DAB2: variants seen among roughly 807,000 people sequenced by gnomAD.
The protein encoded by DAB2 is disabled homolog 2.
In DAB2, 28 loss-of-function variants were observed where a neutral mutation model predicts 71.6. That is an observed-to-expected ratio of 0.39 (90% CI 0.29 to 0.54). The LOEUF (loss-of-function observed/expected upper bound fraction) is 0.54. DAB2 is among the 20% of genes least tolerant of loss of function. The pLI, the probability that DAB2 is intolerant of heterozygous loss-of-function variation, is 0.68. For missense variants in DAB2, 867 were observed against 928.8 expected, an observed-to-expected ratio of 0.93 and a Z score of 0.86; for synonymous variants, 345 against 339.7, an observed-to-expected ratio of 1.02 and a Z score of -0.17.
chr5:39,376,321 TC>T (rs1754828917), intron 12 of DAB2, among the ~76,000 whole-genome samples: 1 of 152,144 alleles, frequency 6.6e-6, no homozygotes, highest in African/African-American at 2.4e-5. Flanking sequence ...AGATTCAGAA[TC>T]CCCTCATTTT....
intron 10 of DAB2, 43 bp downstream of exon 10, chr5:39,382,575 G>T (rs768599924): frequency 1.3e-6 from 2 of 1,566,078 alleles, no homozygotes; most frequent in South Asian, 2.3e-5. Flanking sequence ...CTTTGGTACC[G>T]AACATGCACT....
chr5:39,408,761 C>A (rs1191662187), intron 1 of DAB2: 2 of 152,294 alleles, frequency 1.3e-5, no homozygotes, highest in East Asian at 3.9e-4. Context: ...GAACCAGCAG[C>A]CTGACAACCA....
At chr5:39,389,989 T>C (rs1755188058) in intron 5 of DAB2, 57 bp from the exon 6 acceptor site, 2 of 1,207,134 alleles carry the variant, frequency 1.7e-6, no homozygotes, top group Admixed American at 5.3e-5. Context: ...TTATTTCCTT[T>C]GTCTGCTATC....
chr5:39,376,166 C>T (rs1754823039), intron 12 of DAB2, 60 bp from the exon 13 acceptor site: 2 of 1,287,636 alleles, frequency 1.6e-6, no homozygotes, highest in Admixed American at 2.0e-5. Flanking sequence ...TAGGCCAGTC[C>T]CCGAGTCAGC....
At chr5:39,374,486 GA>G (rs1473522369) in intron 14 of DAB2, among the ~76,000 whole-genome samples, 1 of 152,148 alleles carries the variant, frequency 6.6e-6, no homozygotes, top group Non-Finnish European at 1.5e-5. Context: ...CTATGAAGGA[GA>G]TCTTTAATAG....
At chr5:39,405,888 A>C (rs1332151622) in intron 1 of DAB2, among the ~76,000 whole-genome samples, 1 of 152,198 alleles carries the variant, frequency 6.6e-6, no homozygotes, top group African/African-American at 2.4e-5. Flanking sequence ...TACTTAGAGA[A>C]ATATCAAGTC....
rs772093223 is a variant in DAB2 at position 39,376,035 on chromosome 5, G to C, written c.2209C>G (p.Pro737Ala). The C allele has an allele frequency of 6.2e-7, 1 of 1,614,036 alleles. No homozygotes were observed. The highest frequency in any genetic ancestry group is 1.1e-5 in the South Asian group (1 of 91,090). The change falls in exon 13 of 15, where the codon CCT becomes GCT. Residue 737 changes from proline to alanine, a missense_variant. Around this residue, in one of 2 missense-constraint regions of DAB2, gnomAD observed 740 missense variants for 734.3 expected, o/e 1.01. Coordinates refer to ENST00000320816, the MANE Select transcript of DAB2 (RefSeq NM_001343.4). ...TKSTDNAFENPFFKDSFGSSQ... is the reference protein window; with the variant it reads ...TKSTDNAFENAFFKDSFGSSQ... ...GAACCAAAAGAATCTTTAAAGAAAG[G>C]GTTCTCAAATGCATTGTCAGTAGAT...
At chr5:39,376,354 C>T (rs774425648) in intron 12 of DAB2, among the ~76,000 whole-genome samples, 3 of 152,130 alleles carry the variant, frequency 2.0e-5, no homozygotes, top group South Asian at 2.1e-4. Flanking sequence ...ACATGGATGA[C>T]GCCTTATTAC....
chr5:39,378,144 T>C (rs1054121908), intron 11 of DAB2, among the ~76,000 whole-genome samples: 3 of 152,180 alleles, frequency 2.0e-5, no homozygotes, highest in African/African-American at 4.8e-5. Context: ...TTGTGGTGAA[T>C]GGCTCCATCT....
At chr5:39,388,745 A>G in intron 8 of DAB2, 54 bp downstream of exon 8, 1 of 1,422,474 alleles carries the variant, frequency 7.0e-7, no homozygotes, top group Non-Finnish European at 9.9e-7. Flanking sequence ...TACAGGAAGT[A>G]GAACCCATGT....
intron 1 of DAB2, among the ~76,000 whole-genome samples, chr5:39,409,181 C>T (rs1025945099): frequency 2.0e-5 from 3 of 150,446 alleles, no homozygotes; most frequent in Non-Finnish European, 3.0e-5. Flanking sequence ...ACAAGATGAA[C>T]AAAATTGGCA....
chr5:39,378,957 A>G (rs566765656), intron 11 of DAB2, among the ~76,000 whole-genome samples: 1 of 152,338 alleles, frequency 6.6e-6, no homozygotes, highest in South Asian at 2.1e-4. Flanking sequence ...GGCTCTAAAA[A>G]TGGGTTTAGT....
rs1189124483 is a variant in DAB2, at chr5:39,393,375, T to G, written c.110A>C (p.Glu37Ala). ...GCCTTTGAACCTTGCTAAGAGATAT[T>G]CATCTGTCTTTTCAGGGCCTGAGAA... ...EKKKGPEKTD[E>A]YLLARFKGDG... is the part of the protein sequence containing the mutation. Residue 37 changes from glutamate to alanine, a missense_variant, in exon 3 of 15, where the codon GAA becomes GCA. Glu to Ala is a moderately radical substitution (Grantham distance 107, BLOSUM62 -1). Around this residue, in one of 2 missense-constraint regions of DAB2, gnomAD observed 127 missense variants for 194.4 expected, o/e 0.65. Transcript: ENST00000320816. 1 of 1,613,984 alleles carries G rather than the reference T, an allele frequency of 6.2e-7. No individual in the cohort carries two copies. Among genetic ancestry groups the G allele is most frequent in the Admixed American group, 1.7e-5 (1 of 59,996 alleles).
At chr5:39,417,564 TGG>T (rs1755877185) in intron 1 of DAB2, 1 of 151,806 alleles carries the variant, frequency 6.6e-6, no homozygotes. Context: ...TTAACACCAA[TGG>T]CCTTTTTCTC....
chr5:39,377,808 G>A (rs913628436), intron 11 of DAB2, among the ~76,000 whole-genome samples: 4 of 152,284 alleles, frequency 2.6e-5, no homozygotes, highest in Non-Finnish European at 4.4e-5. Context: ...AATCACACAT[G>A]TGCACAAGAC....
At chr5:39,418,579 C>A (rs1755902270) in intron 1 of DAB2, among the ~76,000 whole-genome samples, 1 of 152,288 alleles carries the variant, frequency 6.6e-6, no homozygotes, top group Middle Eastern at 3.4e-3. Flanking sequence ...GAGGACTTAA[C>A]TGCCCTGCTC....
chr5:39,381,889 T>A (rs1754988334), intron 10 of DAB2, among the ~76,000 whole-genome samples: 1 of 152,188 alleles, frequency 6.6e-6, no homozygotes, highest in Non-Finnish European at 1.5e-5. Flanking sequence ...ACACTCACAT[T>A]GGTCTGGTCT....
intron 1 of DAB2, among the ~76,000 whole-genome samples, chr5:39,401,427 A>G (rs1171337048): frequency 2.0e-5 from 3 of 152,222 alleles, no homozygotes; most frequent in Non-Finnish European, 2.9e-5. Flanking sequence ...AAGTCAGACC[A>G]GAGTTAAGAT....
rs1754786210 is a variant in DAB2 at position 39,374,964 on chromosome 5, C to T, written c.*5+50G>A. The T allele has an allele frequency of 7.0e-6, 8 of 1,145,014 alleles. No individual in the cohort carries two copies. The East Asian group carries it at 1.9e-4, about 27-fold the overall frequency. The allele number at this position is 1,145,014 out of a possible 1,614,324, so 70.9% of individuals were successfully genotyped here. A position where few individuals can be genotyped will look rare whatever the true frequency, so the allele number is the denominator to read the frequency against. ...AATTTCACTCTTTATTCCATGTCACCCTTTCTCACAAAAACCCCTGAGACA... is the reference window on the plus strand; with the variant it reads ...AATTTCACTCTTTATTCCATGTCACTCTTTCTCACAAAAACCCCTGAGACA... On this transcript the variant is annotated intron_variant, in intron 14 of 14. Coordinates refer to ENST00000320816, the MANE Select transcript of DAB2 (RefSeq NM_001343.4).
Sources: gnomAD v4.1 joint callset for allele counts (sites outside exome capture counted in the v4.1 genomes callset) on GRCh38, gnomAD v4.1.1 for gene constraint, gnomAD v4.1.1 regional missense constraint, MANE v1.5 for transcripts, NCBI Gene and HGNC (gene_info 2026-07-23, HGNC 2026-07-21) for gene names.